The following SORCS1 variants were observed in gnomAD, a reference collection of about 807,000 sequenced individuals.
The protein encoded by SORCS1 is sortilin related VPS10 domain containing receptor 1.
In SORCS1, 60 loss-of-function variants were observed where a neutral mutation model predicts 146.1. The observed-to-expected ratio is 0.41, with a 90% confidence interval of 0.33 to 0.51. The LOEUF is 0.51. Among genes scored for constraint, SORCS1 ranks in the 20% least tolerant of loss-of-function variants. The pLI, the probability that SORCS1 is intolerant of heterozygous loss-of-function variation, is 0.21. For missense variants in SORCS1, 1,352 were observed against 1,487.6 expected, an observed-to-expected ratio of 0.91 and a Z score of 1.50; for synonymous variants, 637 against 584.0, an observed-to-expected ratio of 1.09 and a Z score of -1.31.
intron 1 of SORCS1, among the ~76,000 whole-genome samples, chr10:107,059,847 T>G (rs1289117427): frequency 1.3e-5 from 2 of 150,670 alleles, no homozygotes; most frequent in African/African-American, 4.9e-5. Context: ...TACTTTATTT[T>G]ATGCTTTTGG....
intron 18 of SORCS1, among the ~76,000 whole-genome samples, chr10:106,639,030 T>G (rs1281451630): frequency 6.6e-6 from 1 of 152,178 alleles, no homozygotes; most frequent in Non-Finnish European, 1.5e-5. Flanking sequence ...TGAGATAAGC[T>G]CAGATCTCAG....
Position 106,612,408 on chromosome 10 carries a change from C to T in SORCS1, c.2921-385G>A, listed in dbSNP as rs560935633. On this transcript the variant is annotated intron_variant, in intron 21 of 25. Coordinates refer to ENST00000263054, the MANE Select transcript of SORCS1 (RefSeq NM_052918.5). ...TTTCTCCCCCTCCCGCCCCCACCCC[C>T]GCAGCGTGACCGATACCATCCAGTT... Among the ~76,000 whole-genome samples, 1,042 of 145,804 alleles carry T rather than the reference C, an allele frequency of 7.1e-3. 11 individuals are homozygous for T. The highest frequency in any genetic ancestry group is 0.025 in the African/African-American group (995 of 39,140).
intron 22 of SORCS1, among the ~76,000 whole-genome samples, chr10:106,611,052 C>G (rs1482392936): frequency 1.3e-5 from 2 of 151,960 alleles, no homozygotes; most frequent in African/African-American, 4.8e-5. Flanking sequence ...TGCACTCCAG[C>G]CTGGGTGACA....
rs754092496 is a variant in SORCS1, at chr10:107,016,048, G to A, written c.559-59468C>T. Among the ~76,000 whole-genome samples, 3 of 152,196 alleles carry A rather than the reference G, an allele frequency of 2.0e-5. No individual in the cohort carries two copies. In the East Asian group the frequency reaches 5.8e-4, roughly 29 times the overall value. On this transcript the variant is annotated intron_variant, in intron 1 of 25. Coordinates refer to ENST00000263054, the MANE Select transcript of SORCS1 (RefSeq NM_052918.5). The stretch of plus-strand genomic sequence containing the variant: ...AATTAATAGGAAAAGACAATTGGCC[G>A]AGCAGGTTTAAGAATGTCATAAATA...
chr10:107,085,266 T>A (rs540137243), intron 1 of SORCS1, among the ~76,000 whole-genome samples: 1 of 152,212 alleles, frequency 6.6e-6, no homozygotes, highest in Non-Finnish European at 1.5e-5. Flanking sequence ...TACAAAAGCC[T>A]GATTCGTCCT....
chr10:107,146,174 T>C (rs535409934), intron 1 of SORCS1, among the ~76,000 whole-genome samples: 73 of 152,326 alleles, frequency 4.8e-4, no homozygotes, highest in African/African-American at 1.4e-3. Context: ...CAGATACATG[T>C]GTGTCTGTAT....
chr10:106,979,789 C>G (rs902285896), intron 1 of SORCS1, among the ~76,000 whole-genome samples: 1 of 152,160 alleles, frequency 6.6e-6, no homozygotes, highest in Non-Finnish European at 1.5e-5. Flanking sequence ...GCTATGGAGT[C>G]AGACTGCCAG....
chr10:106,845,935 G>C (rs1949300569), intron 2 of SORCS1, among the ~76,000 whole-genome samples: 1 of 124,852 alleles, frequency 8.0e-6, no homozygotes, highest in Non-Finnish European at 1.9e-5. Context: ...CTGTTCCATT[G>C]ATCTATATCT....
chr10:106,641,432 C>T (rs1849062910), intron 18 of SORCS1, among the ~76,000 whole-genome samples: 1 of 152,146 alleles, frequency 6.6e-6, no homozygotes, highest in African/African-American at 2.4e-5. Flanking sequence ...CTCCTCTTTG[C>T]TACGGTTTTA....
At chr10:107,097,842 T>A (rs1412870398) in intron 1 of SORCS1, among the ~76,000 whole-genome samples, 1 of 152,216 alleles carries the variant, frequency 6.6e-6, no homozygotes, top group Non-Finnish European at 1.5e-5. Context: ...AATTTCTAAT[T>A]TCCATTTGAG....
intron 18 of SORCS1, among the ~76,000 whole-genome samples, chr10:106,633,429 C>G (rs1045761555): frequency 6.6e-6 from 1 of 152,178 alleles, no homozygotes; most frequent in Admixed American, 6.6e-5. Context: ...TCCTGTCTAA[C>G]TGTGATTTTG....
rs578026300 is a variant in SORCS1, at chr10:106,635,660, C to G, written c.2476-6272G>C. On this transcript the variant is annotated intron_variant, in intron 18 of 25. Coordinates refer to ENST00000263054, the MANE Select transcript of SORCS1 (RefSeq NM_052918.5). ...ACAAGAAACATTACAAAATACAACACTATACCTCTACTATTACTATAAATA... is the reference window on the plus strand; with the variant it reads ...ACAAGAAACATTACAAAATACAACAGTATACCTCTACTATTACTATAAATA... Among the ~76,000 whole-genome samples the G allele has an allele frequency of 2.0e-5, 3 of 152,230 alleles. No individual in the cohort carries two copies. In the South Asian group the frequency reaches 6.2e-4, roughly 32 times the overall value.
intron 21 of SORCS1, among the ~76,000 whole-genome samples, chr10:106,616,075 CCAT>C (rs1847340917): frequency 1.3e-5 from 2 of 152,194 alleles, no homozygotes; most frequent in Admixed American, 1.3e-4. Flanking sequence ...ATCACCACCA[CCAT>C]CGTTATGATC....
chr10:106,973,301 T>C (rs774492580), intron 1 of SORCS1, among the ~76,000 whole-genome samples: 2 of 152,230 alleles, frequency 1.3e-5, no homozygotes, highest in African/African-American at 2.4e-5. Flanking sequence ...GGGAACTCTG[T>C]TGCAGGAATG....
chr10:106,902,084 T>C (rs1951731282), intron 2 of SORCS1, among the ~76,000 whole-genome samples: 1 of 152,100 alleles, frequency 6.6e-6, no homozygotes, highest in Non-Finnish European at 1.5e-5. Flanking sequence ...ATCACAATAT[T>C]AGCAAATACT....
At chr10:106,608,903 C>G (rs932032435) in intron 22 of SORCS1, among the ~76,000 whole-genome samples, 1 of 152,112 alleles carries the variant, frequency 6.6e-6, no homozygotes, top group African/African-American at 2.4e-5. Flanking sequence ...CTGAGATGGC[C>G]AGGACTTTAC....
rs115046946 is a variant in SORCS1 at position 106,964,256 on chromosome 10, A to G, written c.559-7676T>C. Among the ~76,000 whole-genome samples the G allele has an allele frequency of 2.4e-3, 358 of 152,330 alleles. 1 individual carries two copies. Among genetic ancestry groups the G allele is most frequent in the African/African-American group, 7.7e-3 (321 of 41,578 alleles). ...ATTAGGCTGGTAGTGTGCTCTGCTC[A>G]AAACAGAAAAGGCTTTGGAACCAGA... is the stretch of plus-strand genomic sequence containing the variant. On this transcript the variant is annotated intron_variant, in intron 1 of 25. Transcript: ENST00000263054.
intron 5 of SORCS1, among the ~76,000 whole-genome samples, chr10:106,744,079 A>G (rs1342347679): frequency 1.3e-5 from 2 of 152,080 alleles, no homozygotes; most frequent in Non-Finnish European, 2.9e-5. Flanking sequence ...AGTATTGGTA[A>G]TATCTATCGT....
chr10:106,773,214 G>A (rs1245361767), intron 4 of SORCS1, among the ~76,000 whole-genome samples: 1 of 152,188 alleles, frequency 6.6e-6, no homozygotes, highest in Non-Finnish European at 1.5e-5. Flanking sequence ...AAAAACTGAT[G>A]AGCAATACTT....
Sources: allele counts gnomAD v4.1 joint callset (sites outside exome capture counted in the v4.1 genomes callset), GRCh38; gene constraint gnomAD v4.1.1; transcripts MANE v1.5; gene names NCBI Gene and HGNC (gene_info 2026-07-23, HGNC 2026-07-21).